The following MDN1 variants were observed in gnomAD, a reference collection of about 807,000 sequenced individuals.
The protein encoded by MDN1 is midasin.
Under a neutral mutation model 669.2 loss-of-function variants are expected in MDN1, and 266 were observed. That is an observed-to-expected ratio of 0.40 (90% CI 0.36 to 0.44). MDN1 has a LOEUF of 0.44. Ranked by LOEUF, MDN1 falls within the 20% of genes least tolerant of loss-of-function variation. The probability of loss-of-function intolerance (pLI) is 1.00; values close to 1 mark genes in which losing one functional copy is unlikely to be tolerated. For synonymous variants in MDN1, 2,385 were observed against 2,457.1 expected (o/e 0.97, Z 0.87); for missense variants, 5,940 against 6,754.0 (o/e 0.88, Z 4.22).
intron 45 of MDN1, among the ~76,000 whole-genome samples, 161 bp downstream of exon 45, chr6:89,715,492 T>C (rs977140962): frequency 2.0e-5 from 3 of 152,190 alleles, no homozygotes; most frequent in Non-Finnish European, 2.9e-5. Flanking sequence ...GCCTGGCAAA[T>C]AGTAAAGCCT....
At chr6:89,796,756 ATGTT>A (rs1227626984) in intron 2 of MDN1, among the ~76,000 whole-genome samples, 1 of 151,608 alleles carries the variant, frequency 6.6e-6, no homozygotes, top group African/African-American at 2.4e-5. Context: ...CATGCATTAG[ATGTT>A]TGTTTTTAAT....
At chr6:89,804,049 C>A (rs139496866) in intron 1 of MDN1, among the ~76,000 whole-genome samples, 2 of 151,648 alleles carry the variant, frequency 1.3e-5, no homozygotes, top group African/African-American at 4.8e-5. Context: ...AGGCACCCAC[C>A]ACCACACCAG....
chr6:89,769,629 T>C (rs1338137555), intron 15 of MDN1, among the ~76,000 whole-genome samples: 1 of 152,170 alleles, frequency 6.6e-6, no homozygotes, highest in Admixed American at 6.5e-5. Flanking sequence ...GTAAGTAGCG[T>C]TTTCTTTTAA....
chr6:89,728,101 G>A, intron 36 of MDN1, 146 bp from the exon 37 acceptor site: 1 of 972,324 alleles, frequency 1.0e-6, no homozygotes, highest in Admixed American at 2.9e-5. Context: ...ACCAATCCCA[G>A]CTCTCTTTAC....
intron 33 of MDN1, among the ~76,000 whole-genome samples, chr6:89,736,010 A>G (rs1376537514): frequency 6.6e-6 from 1 of 152,220 alleles, no homozygotes. Flanking sequence ...AAAAATAAAT[A>G]AATTCATCAA....
intron 44 of MDN1, among the ~76,000 whole-genome samples, 179 bp downstream of exon 44, chr6:89,716,471 T>C (rs779501394): frequency 6.6e-6 from 1 of 152,260 alleles, no homozygotes; most frequent in Non-Finnish European, 1.5e-5. Context: ...CTTATAACTG[T>C]CTGATGACGA....
At position 89,687,422 on chromosome 6, in the gene MDN1, G is replaced by A. The variant is rs1351376101; in HGVS notation, c.11372C>T (p.Ala3791Val). Residue 3791 changes from alanine to valine, a missense_variant, in exon 68 of 102, where the codon GCA becomes GTA. Ala to Val is a moderately conservative substitution (Grantham distance 64). This residue lies in a region of MDN1 where 2,280 missense variants were observed against 2,576.3 expected (regional missense o/e 0.88). Transcript: ENST00000369393. ...LAKAQDWEENASRALSLRKHL... is the reference protein window; with the variant it reads ...LAKAQDWEENVSRALSLRKHL... ...TTTCCGCAAAGACAAAGCTCGACTT[G>A]CATTTTCCTCCCAATCCTAAAGAAA... is the stretch of plus-strand genomic sequence containing the variant. The A allele has an allele frequency of 6.2e-7, 1 of 1,613,760 alleles. No homozygotes were observed. Among genetic ancestry groups the A allele is most frequent in the Admixed American group, 1.7e-5 (1 of 59,990 alleles).
At chr6:89,745,969 C>T (rs576411501) in intron 27 of MDN1, among the ~76,000 whole-genome samples, 2 of 151,940 alleles carry the variant, frequency 1.3e-5, no homozygotes, top group Admixed American at 6.6e-5. Context: ...AGTGGATTAC[C>T]ACATAAAAAG....
chr6:89,743,719 T>C lies in MDN1; in HGVS notation c.4179-5A>G, dbSNP rs991138489. On this transcript the variant is annotated splice_polypyrimidine_tract_variant and splice_region_variant and intron_variant, in intron 29 of 101. Coordinates refer to ENST00000369393, the MANE Select transcript of MDN1 (RefSeq NM_014611.3). ...CAGATAGTAGTTTTCCCACACCTGT[T>C]AGAGATGTGCAACTGATTAACAAGG... The C allele has an allele frequency of 1.9e-6, 3 of 1,613,356 alleles. No homozygotes were observed. Among genetic ancestry groups the C allele is most frequent in the Admixed American group, 3.3e-5 (2 of 59,858 alleles).
chr6:89,793,126 C>T (rs1819368372), intron 5 of MDN1, among the ~76,000 whole-genome samples: 4 of 152,154 alleles, frequency 2.6e-5, no homozygotes, highest in Admixed American at 2.6e-4. Flanking sequence ...TGGAAAGAAG[C>T]TTGTTGCATA....
intron 40 of MDN1, among the ~76,000 whole-genome samples, chr6:89,721,775 C>A (rs1206381338): frequency 6.6e-6 from 1 of 151,984 alleles, no homozygotes; most frequent in East Asian, 1.9e-4. Flanking sequence ...AACAATGTCT[C>A]CAATTTTAAT....
chr6:89,747,952 G>A (rs1359354608), intron 26 of MDN1, among the ~76,000 whole-genome samples: 1 of 150,592 alleles, frequency 6.6e-6, no homozygotes, highest in African/African-American at 2.4e-5. Context: ...ATATTCTGAG[G>A]AAAAATGTTC....
intron 55 of MDN1, 100 bp downstream of exon 55, chr6:89,701,458 G>C (rs1813154283): frequency 7.0e-7 from 1 of 1,437,118 alleles, no homozygotes; most frequent in Admixed American, 2.1e-5. Flanking sequence ...ATGCTTTCAA[G>C]ACAAGGATTA....
Position 89,683,850 on chromosome 6 carries a change from A to C in MDN1, c.11884T>G (p.Ser3962Ala). The change falls in exon 72 of 102, where the codon TCT becomes GCT. Residue 3962 changes from serine to alanine, a missense_variant. Ser to Ala is a moderately conservative substitution (Grantham distance 99). Transcript: ENST00000369393. Reference sequence around the variant, plus strand: ...GATTACCTGTGTGTCTTTTCTACAGATTGCTTAATGGACCAGAAGCTGACA... The same window carrying C: ...GATTACCTGTGTGTCTTTTCTACAGCTTGCTTAATGGACCAGAAGCTGACA... Reference protein sequence around the residue: ...NDVSFWSIKQSVEKTHRTLFK... With the variant: ...NDVSFWSIKQAVEKTHRTLFK... The C allele has an allele frequency of 1.2e-6, 2 of 1,613,536 alleles. No homozygotes were observed. Among genetic ancestry groups the C allele is most frequent in the Non-Finnish European group, 1.7e-6 (2 of 1,179,632 alleles).
intron 59 of MDN1, among the ~76,000 whole-genome samples, chr6:89,697,745 C>A (rs1186986182): frequency 2.0e-5 from 3 of 152,010 alleles, no homozygotes; most frequent in African/African-American, 7.3e-5. Flanking sequence ...TACTGCCCAG[C>A]TAATTTTTGT....
intron 79 of MDN1, 114 bp from the exon 80 acceptor site, chr6:89,673,576 T>C: frequency 1.1e-6 from 1 of 904,062 alleles, no homozygotes; most frequent in Non-Finnish European, 1.7e-6. Context: ...TAGCTGAAGG[T>C]TTACGGCTAA....
chr6:89,728,991 C>T lies in MDN1; in HGVS notation c.5289G>A (p.Val1763=). The T allele has an allele frequency of 1.2e-6, 2 of 1,614,120 alleles. No individual in the cohort carries two copies. Among genetic ancestry groups the T allele is most frequent in the Non-Finnish European group, 1.7e-6 (2 of 1,179,996 alleles). The change falls in exon 36 of 102, where the codon GTG becomes GTA. Residue 1763 remains valine (V), a synonymous_variant. Transcript: ENST00000369393. ...TTCCTGAAGCCTTTGCTAATGCTCC[C>T]ACCAAACTTGTCTTGCCAACACCAG... The part of the protein sequence containing the change: ...GSPGVGKTSL[V]GALAKASGNT...
chr6:89,670,466 C>G (rs959896217), intron 83 of MDN1, among the ~76,000 whole-genome samples: 4 of 151,962 alleles, frequency 2.6e-5, no homozygotes, highest in Non-Finnish European at 4.4e-5. Flanking sequence ...GCGTGAGCCA[C>G]CACAACAGGC....
Position 89,687,330 on chromosome 6 carries a change from GGA to G in MDN1, c.11450+12_11450+13del. The G allele has an allele frequency of 1.2e-6, 2 of 1,610,218 alleles. No individual in the cohort carries two copies. Among genetic ancestry groups the G allele is most frequent in the Non-Finnish European group, 1.7e-6 (2 of 1,176,908 alleles). ...TACAACCTAAGTTTAGGAGAGGGAA[GGA>G]GAGTCACTTACTTCAGCTCCAGTTT... On this transcript the variant is annotated intron_variant, in intron 68 of 101. Transcript: ENST00000369393.
Sources: gnomAD v4.1 joint callset for allele counts (sites outside exome capture counted in the v4.1 genomes callset) on GRCh38, gnomAD v4.1.1 for gene constraint, gnomAD v4.1.1 regional missense constraint, MANE v1.5 for transcripts, NCBI Gene and HGNC (gene_info 2026-07-23, HGNC 2026-07-21) for gene names.